Variants in CYB5D2 observed in about 807,000 individuals in gnomAD.
CYB5D2 encodes neuferricin.
CYB5D2 carries 23 observed loss-of-function variants against 22.8 expected under a neutral mutation model. The observed-to-expected ratio is 1.01, with a 90% CI of 0.73 to 1.43. The LOEUF (loss-of-function observed/expected upper bound fraction) is 1.43. Among genes scored for constraint, CYB5D2 ranks in the 40% most tolerant of loss-of-function variants. The pLI is 0.00. For synonymous variants in CYB5D2, 170 were observed against 152.2 expected, an observed-to-expected ratio of 1.12 and a Z score of -0.86; for missense variants, 373 against 357.2, an observed-to-expected ratio of 1.04 and a Z score of -0.36.
In CYB5D2 at chr17:4,143,845, T is replaced by A. The variant is rs1431087246; in HGVS notation, c.90T>A (p.Gly30=). The change falls in exon 1 of 4, where the codon GGT becomes GGA. Residue 30 remains glycine, a synonymous_variant. Transcript: ENST00000301391. ...CAGCACGGCTTATGGGCTGGTGGGGTCCCCGCGCTGGCTTTCGCCTTTTCA... is the reference window on the plus strand; with the variant it reads ...CAGCACGGCTTATGGGCTGGTGGGGACCCCGCGCTGGCTTTCGCCTTTTCA... ...VMAARLMGWW[G]PRAGFRLFIP... The A allele has an allele frequency of 1.2e-6, 2 of 1,613,904 alleles. No individual in the cohort carries two copies. The highest frequency in any genetic ancestry group is 1.1e-5 in the South Asian group (1 of 91,056).
At chr17:4,150,644 G>C (rs1473974630) in intron 2 of CYB5D2, among the ~76,000 whole-genome samples, 1 of 152,130 alleles carries the variant, frequency 6.6e-6, no homozygotes, top group Non-Finnish European at 1.5e-5. Flanking sequence ...CAGCACTTTG[G>C]GAGGCTGAGG....
rs377617769 is a variant in CYB5D2, at chr17:4,149,184, C to T, written c.251-707C>T. On this transcript the variant is annotated intron_variant, in intron 1 of 3. Transcript: ENST00000301391. ...ATATACAGGTGTGAGCCTTGGGAGA[C>T]ATCTGAGCTAAAGATACAGATGTGG... Among the ~76,000 whole-genome samples, 79 of 152,252 alleles carry T rather than the reference C, an allele frequency of 5.2e-4. No homozygotes were observed. In the South Asian group the frequency reaches 0.016, roughly 30 times the overall value.
chr17:4,149,879 T>C lies in CYB5D2; in HGVS notation c.251-12T>C, dbSNP rs1336024639. ...TTTACACCTGGGTCTGATGGAAACA[T>C]CTCTGTTCCAGGCCGAGACGCATCC... On this transcript the variant is annotated splice_polypyrimidine_tract_variant and intron_variant, in intron 1 of 3. Coordinates refer to ENST00000301391, the MANE Select transcript of CYB5D2 (RefSeq NM_144611.4). 6.2e-7 allele frequency: 1 copy of C among 1,611,580 alleles called. No individual in the cohort carries two copies. The highest frequency in any genetic ancestry group is 1.7e-5 in the Admixed American group (1 of 59,666).
chr17:4,157,099 TTAA>T lies in CYB5D2; in HGVS notation c.*21_*23del, dbSNP rs752870278. On this transcript the variant is annotated 3_prime_UTR_variant, in exon 4 of 4. Coordinates refer to ENST00000301391, the MANE Select transcript of CYB5D2 (RefSeq NM_144611.4). The surrounding 1 kb of genome is among the most constrained non-coding windows in gnomAD (Gnocchi z 4.4). ...CCACTCTAAGCCGTAGCCTCTTCTG[TTAA>T]TAACACACAGAGAGCTCTGCCAAGC... 3 of 1,611,356 alleles carry T rather than the reference TTAA, an allele frequency of 1.9e-6. No homozygotes were observed. The highest frequency in any genetic ancestry group is 2.2e-5 in the East Asian group (1 of 44,832).
chr17:4,144,039 C>T (rs2058941522), intron 1 of CYB5D2, 34 bp downstream of exon 1: 4 of 1,548,270 alleles, frequency 2.6e-6, no homozygotes, highest in Non-Finnish European at 3.5e-6. Context: ...TTTCTCTCCG[C>T]TGGCGCGAGC....
Position 4,152,841 on chromosome 17 carries a change from G to T in CYB5D2, c.392-1833G>T, listed in dbSNP as rs936470607. Among the ~76,000 whole-genome samples, 3 of 152,150 alleles carry T rather than the reference G, an allele frequency of 2.0e-5. No homozygotes were observed. In the East Asian group the frequency reaches 5.8e-4, roughly 29 times the overall value. On this transcript the variant is annotated intron_variant, in intron 2 of 3. Transcript: ENST00000301391. ...CACCCAGGCTGGAGTGCAGTGGCAC[G>T]ACTGCAGCTCACTGCAACCTCCAAC...
intron 3 of CYB5D2, among the ~76,000 whole-genome samples, chr17:4,155,245 A>G (rs1209416618): frequency 6.6e-6 from 1 of 152,042 alleles, no homozygotes; most frequent in African/African-American, 2.4e-5. Flanking sequence ...GACAGCACAA[A>G]TCATGCCTAT....
chr17:4,156,979 C>A lies in CYB5D2; in HGVS notation c.692C>A (p.Pro231Gln). The A allele has an allele frequency of 6.2e-7, 1 of 1,612,862 alleles. No homozygotes were observed. The highest frequency in any genetic ancestry group is 8.5e-7 in the Non-Finnish European group (1 of 1,180,038). The change falls in exon 4 of 4, where the codon CCG becomes CAG. Residue 231 changes from proline to glutamine, a missense_variant. Coordinates refer to ENST00000301391, the MANE Select transcript of CYB5D2 (RefSeq NM_144611.4). ...RTTGPPSGQM[P>Q]DNPPHRNRGD... ...ACCGGCCCCCCTAGTGGCCAGATGC[C>A]GGACAACCCTCCACACAGAAATCGT... is the stretch of plus-strand genomic sequence containing the variant.
In CYB5D2 at chr17:4,143,577, TC is replaced by T. The variant is rs1316071039; in HGVS notation, c.-178del. ...GAAAAAGTCGCAGACAGCGAGCTTT[TC>T]GCCAGTGCCAGGAATACAGATAAAA... On this transcript the variant is annotated 5_prime_UTR_variant, in exon 1 of 4. Transcript: ENST00000301391. 9 of 822,476 alleles carry T rather than the reference TC, an allele frequency of 1.1e-5. No homozygotes were observed. Among genetic ancestry groups the T allele is most frequent in the Non-Finnish European group, 1.6e-5 (9 of 556,714 alleles). 50.9% of individuals were successfully genotyped at this position (822,476 alleles called of 1,614,324 possible). A position where few individuals can be genotyped will look rare whatever the true frequency, so the allele number is the denominator to read the frequency against.
chr17:4,156,730 T>G (rs1329386258), intron 3 of CYB5D2, 136 bp from the exon 4 acceptor site: 1 of 919,162 alleles, frequency 1.1e-6, no homozygotes, highest in Non-Finnish European at 1.6e-6. Flanking sequence ...GGCTGAGCGC[T>G]GTAGCCTGCT....
At chr17:4,156,840 G>T in intron 3 of CYB5D2, 26 bp from the exon 4 acceptor site, 2 of 1,611,338 alleles carry the variant, frequency 1.2e-6, no homozygotes, top group Non-Finnish European at 1.7e-6. Flanking sequence ...TCACATTTAA[G>T]AAGTCCTCTT....
At chr17:4,147,793 C>T (rs550151629) in intron 1 of CYB5D2, among the ~76,000 whole-genome samples, 7 of 152,184 alleles carry the variant, frequency 4.6e-5, no homozygotes, top group Admixed American at 6.5e-5. Flanking sequence ...GCAGAGGTTG[C>T]GGTGAGCCGA....
At position 4,143,973 on chromosome 17, in the gene CYB5D2, A is replaced by T. The variant is rs1302200536; in HGVS notation, c.218A>T (p.Tyr73Phe). 5.6e-6 allele frequency: 9 copies of T among 1,611,924 alleles called. No individual in the cohort carries two copies. The highest frequency in any genetic ancestry group is 7.6e-6 in the Non-Finnish European group (9 of 1,179,550). ...VYDVSSGRRHYEPGSHYSGFA... is the reference protein window; with the variant it reads ...VYDVSSGRRHFEPGSHYSGFA... ...GATGTGTCCTCCGGCCGGAGGCACT[A>T]CGAGCCTGGGTCCCACTATAGCGGC... The change falls in exon 1 of 4, where the codon TAC becomes TTC. Residue 73 changes from tyrosine to phenylalanine, a missense_variant. Tyr to Phe is a conservative substitution (Grantham distance 22). Coordinates refer to ENST00000301391, the MANE Select transcript of CYB5D2 (RefSeq NM_144611.4).
chr17:4,144,015 A>G lies in CYB5D2; in HGVS notation c.250+10A>G. ...TATAGCGGCTTCGCAGGTATCAGCGAGGCTGCTCACGCCTTTCTCTCCGCT... is the reference window on the plus strand; with the variant it reads ...TATAGCGGCTTCGCAGGTATCAGCGGGGCTGCTCACGCCTTTCTCTCCGCT... On this transcript the variant is annotated intron_variant, in intron 1 of 3. Coordinates refer to ENST00000301391, the MANE Select transcript of CYB5D2 (RefSeq NM_144611.4). 1 of 1,584,196 alleles carries G rather than the reference A, an allele frequency of 6.3e-7. No individual in the cohort carries two copies. The highest frequency in any genetic ancestry group is 8.6e-7 in the Non-Finnish European group (1 of 1,164,590).
In CYB5D2 at chr17:4,143,740, G is replaced by A. The variant is rs888537026; in HGVS notation, c.-16G>A. On this transcript the variant is annotated 5_prime_UTR_variant, in exon 1 of 4. Coordinates refer to ENST00000301391, the MANE Select transcript of CYB5D2 (RefSeq NM_144611.4). ...GGCGGCAACCTCGGAAGTGCGGAGCGGGTGGGCCTATATAGATGTTGAGGT... is the reference window on the plus strand; with the variant it reads ...GGCGGCAACCTCGGAAGTGCGGAGCAGGTGGGCCTATATAGATGTTGAGGT... 6 of 1,602,248 alleles carry A rather than the reference G, an allele frequency of 3.7e-6. No homozygotes were observed. Among genetic ancestry groups the A allele is most frequent in the Admixed American group, 1.7e-5 (1 of 58,988 alleles).
intron 3 of CYB5D2, 125 bp from the exon 4 acceptor site, chr17:4,156,740 TG>T (rs2059115810): frequency 2.0e-6 from 2 of 1,014,096 alleles, no homozygotes; most frequent in Admixed American, 5.0e-5. Context: ...TGTAGCCTGC[TG>T]CCTTGGGAAA....
rs1436664966 is a variant in CYB5D2 at position 4,143,725 on chromosome 17, T to C, written c.-31T>C. ...TTAGCTGTAGATAGAGGCGGCAACC[T>C]CGGAAGTGCGGAGCGGGTGGGCCTA... On this transcript the variant is annotated 5_prime_UTR_variant, in exon 1 of 4. Transcript: ENST00000301391. 6.3e-7 allele frequency: 1 copy of C among 1,582,880 alleles called. No individual in the cohort carries two copies. Among genetic ancestry groups the C allele is most frequent in the Admixed American group, 1.8e-5 (1 of 56,618 alleles).
chr17:4,146,591 T>C (rs528634051), intron 1 of CYB5D2, among the ~76,000 whole-genome samples: 2 of 151,938 alleles, frequency 1.3e-5, no homozygotes, highest in Admixed American at 1.3e-4. Context: ...GGGGTTTCAC[T>C]GTGTTAGCCA....
intron 2 of CYB5D2, among the ~76,000 whole-genome samples, chr17:4,153,099 G>T (rs1196002608): frequency 1.3e-5 from 2 of 152,104 alleles, no homozygotes; most frequent in Non-Finnish European, 2.9e-5. Flanking sequence ...TGAGTACTGC[G>T]CCTCACTAGT....
Sources: gnomAD v4.1 joint callset for allele counts (sites outside exome capture counted in the v4.1 genomes callset) on GRCh38, gnomAD v4.1.1 for gene constraint, Gnocchi (gnomAD v3.1) non-coding constraint, MANE v1.5 for transcripts, NCBI Gene and HGNC (gene_info 2026-07-23, HGNC 2026-07-21) for gene names.